The following TRAF3 variants were observed in gnomAD, a reference collection of about 807,000 sequenced individuals.
TRAF3 encodes TNF receptor-associated factor 3.
TRAF3 carries 13 observed loss-of-function variants against 62.3 expected under a neutral mutation model. The observed-to-expected ratio is 0.21, with a 90% CI of 0.14 to 0.33. TRAF3 has a LOEUF of 0.33. Ranked by LOEUF, TRAF3 falls within the 10% of genes least tolerant of loss-of-function variation. TRAF3 has a pLI of 1.00. For missense variants in TRAF3, 440 were observed against 741.8 expected (o/e 0.59, Z 4.73); for synonymous variants, 269 against 283.4 (o/e 0.95, Z 0.51).
chr14:102,876,303 T>G, intron 5 of TRAF3, 55 bp from the exon 6 acceptor site: 1 of 1,591,082 alleles, frequency 6.3e-7, no homozygotes, highest in South Asian at 1.1e-5. Context: ...GAATCTGGTA[T>G]TTCAGATTTA....
At chr14:102,810,783 G>C (rs530694399) in intron 1 of TRAF3, 21 of 152,442 alleles carry the variant, frequency 1.4e-4, no homozygotes, top group African/African-American at 5.1e-4. Context: ...ACTTCTGCAT[G>C]GAGGAGGTCA....
At chr14:102,825,968 C>T (rs1264290973) in intron 1 of TRAF3, among the ~76,000 whole-genome samples, 2 of 152,194 alleles carry the variant, frequency 1.3e-5, no homozygotes, top group African/African-American at 2.4e-5. Flanking sequence ...CAGGAATTTA[C>T]GCGGAGGCAT....
rs1898728956 is a variant in TRAF3 at position 102,805,709 on chromosome 14, G to A, written c.-156-24625G>A. On this transcript the variant is annotated intron_variant, in intron 1 of 11. Transcript: ENST00000392745. ...TCCTGTGTCCTGTTGAAATGAAGAG[G>A]TTAGTCATGCATTCCCTCAGCTAGA... Among the ~76,000 whole-genome samples, 5 of 152,122 alleles carry A rather than the reference G, an allele frequency of 3.3e-5. No homozygotes were observed. In the South Asian group the frequency reaches 6.2e-4, roughly 19 times the overall value.
At chr14:102,809,227 C>G (rs1898968320) in intron 1 of TRAF3, 1 of 152,410 alleles carries the variant, frequency 6.6e-6, no homozygotes, top group Non-Finnish European at 1.5e-5. Flanking sequence ...ACCTCGTGAT[C>G]TGCCTGCCTT....
At position 102,905,843 on chromosome 14, in the gene TRAF3, TCTGTCTTCA is replaced by T; in HGVS notation, c.*63_*71del. On this transcript the variant is annotated 3_prime_UTR_variant, in exon 12 of 12. Transcript: ENST00000392745. ...AACTCCTCTGGGGGATTTGAACCGG[TCTGTCTTCA>T]CTGAGGTCCTCGCGCTCAGAAAAGG... The T allele has an allele frequency of 6.7e-7, 1 of 1,502,320 alleles. No homozygotes were observed. Among genetic ancestry groups the T allele is most frequent in the Non-Finnish European group, 9.2e-7 (1 of 1,089,468 alleles). 93.1% of individuals were successfully genotyped at this position (1,502,320 alleles called of 1,614,324 possible).
At chr14:102,858,106 A>G (rs1228034744) in intron 2 of TRAF3, among the ~76,000 whole-genome samples, 2 of 151,974 alleles carry the variant, frequency 1.3e-5, no homozygotes, top group East Asian at 1.9e-4. Flanking sequence ...CTTGATATTC[A>G]TAATCATTTC....
chr14:102,821,303 T>A (rs950449511), intron 1 of TRAF3, among the ~76,000 whole-genome samples: 1 of 152,254 alleles, frequency 6.6e-6, no homozygotes, highest in African/African-American at 2.4e-5. Flanking sequence ...TCAGATTTTA[T>A]AAAAGATATT....
In TRAF3 at chr14:102,903,669, G is replaced by A. The variant is rs1195619350; in HGVS notation, c.1135+240G>A. On this transcript the variant is annotated intron_variant, in intron 11 of 11. Coordinates refer to ENST00000392745, the MANE Select transcript of TRAF3 (RefSeq NM_145725.3). This position sits in a 1 kb window ranked among gnomAD's most constrained non-coding sequence, Gnocchi z 6.4. ...GGCCCTACATGGTGTAGAAAGTAGG[G>A]GCAGCTGCAGCCACGGGAAGCTGCA... 7.6e-6 allele frequency: 5 copies of A among 659,586 alleles called. No homozygotes were observed. Among genetic ancestry groups the A allele is most frequent in the Non-Finnish European group, 1.4e-5 (5 of 366,288 alleles). The allele number at this position is 659,586 out of a possible 1,614,324, so 40.9% of individuals were successfully genotyped here. A position where few individuals can be genotyped will look rare whatever the true frequency, so the allele number is the denominator to read the frequency against.
At chr14:102,862,839 CTATCTT>C (rs1416268670) in intron 2 of TRAF3, among the ~76,000 whole-genome samples, 4 of 152,030 alleles carry the variant, frequency 2.6e-5, no homozygotes, top group Admixed American at 2.0e-4. Context: ...CTCAATTATC[CTATCTT>C]TAAGTTCTCT....
At chr14:102,836,206 C>T (rs1595346355) in intron 2 of TRAF3, among the ~76,000 whole-genome samples, 1 of 152,250 alleles carries the variant, frequency 6.6e-6, no homozygotes, top group Non-Finnish European at 1.5e-5. Flanking sequence ...GGCCTGTGCA[C>T]CTGCTCCTCT....
intron 1 of TRAF3, among the ~76,000 whole-genome samples, chr14:102,827,185 G>A (rs973838332): frequency 6.6e-6 from 1 of 152,212 alleles, no homozygotes; most frequent in Non-Finnish European, 1.5e-5. Flanking sequence ...ACCTTGTCCT[G>A]GAGGTGCACT....
intron 1 of TRAF3, among the ~76,000 whole-genome samples, chr14:102,821,655 TAGTG>T (rs1899993573): frequency 6.6e-6 from 1 of 152,234 alleles, no homozygotes; most frequent in Admixed American, 6.5e-5. Context: ...TTTGATTTCT[TAGTG>T]TGTGTGTATC....
chr14:102,895,222 TG>T (rs1380654507), intron 9 of TRAF3: 1 of 409,286 alleles, frequency 2.4e-6, no homozygotes, highest in Non-Finnish European at 5.0e-6. Flanking sequence ...TAGGAGTTCA[TG>T]GACGTATGAG....
intron 1 of TRAF3, among the ~76,000 whole-genome samples, chr14:102,781,772 G>A (rs1480111426): frequency 6.7e-6 from 1 of 149,554 alleles, no homozygotes; most frequent in Non-Finnish European, 1.5e-5. Flanking sequence ...GATTACAGGC[G>A]CCTGCCACCA....
intron 4 of TRAF3, 69 bp downstream of exon 4, chr14:102,872,037 G>T: frequency 6.5e-7 from 1 of 1,526,742 alleles, no homozygotes; most frequent in Non-Finnish European, 9.1e-7. Flanking sequence ...CACATAGTTT[G>T]CATTCGGCAC....
At chr14:102,813,007 C>A (rs987770040) in intron 1 of TRAF3, among the ~76,000 whole-genome samples, 1 of 152,088 alleles carries the variant, frequency 6.6e-6, no homozygotes, top group South Asian at 2.1e-4. Flanking sequence ...GGTGGAGTCT[C>A]GCTCTGTCGC....
chr14:102,824,075 C>T (rs1197001569), intron 1 of TRAF3, among the ~76,000 whole-genome samples: 1 of 152,184 alleles, frequency 6.6e-6, no homozygotes, highest in African/African-American at 2.4e-5. Context: ...CATTCATGTA[C>T]AGGTTTTTGT....
intron 4 of TRAF3, among the ~76,000 whole-genome samples, chr14:102,872,671 C>T (rs1165207104): frequency 1.3e-5 from 2 of 150,390 alleles, no homozygotes; most frequent in Non-Finnish European, 2.9e-5. Context: ...CTTTTCTTTT[C>T]TTTCTCTCTC....
At position 102,870,195 on chromosome 14, in the gene TRAF3, T is replaced by A; in HGVS notation, c.-7T>A. 6.2e-7 allele frequency: 1 copy of A among 1,614,122 alleles called. No homozygotes were observed. Among genetic ancestry groups the A allele is most frequent in the South Asian group, 1.1e-5 (1 of 91,082 alleles). On this transcript the variant is annotated 5_prime_UTR_variant, in exon 3 of 12. Coordinates refer to ENST00000392745, the MANE Select transcript of TRAF3 (RefSeq NM_145725.3). ...GTTTTTTCCCGACAGAACTCCTCTT[T>A]CCTAAAATGGAGTCGAGTAAAAAGA... is the stretch of plus-strand genomic sequence containing the variant.
Sources: gnomAD v4.1 joint callset for allele counts (sites outside exome capture counted in the v4.1 genomes callset) on GRCh38, gnomAD v4.1.1 for gene constraint, Gnocchi (gnomAD v3.1) non-coding constraint, MANE v1.5 for transcripts, NCBI Gene and HGNC (gene_info 2026-07-23, HGNC 2026-07-21) for gene names.